Variants in RNF180 observed in about 807,000 individuals in gnomAD.
The protein encoded by RNF180 is ring finger protein 180.
In RNF180, 38 loss-of-function variants were observed where a neutral mutation model predicts 59.2. That is an observed-to-expected ratio of 0.64 (90% CI 0.50 to 0.84). RNF180 has a LOEUF of 0.84. Ranked by LOEUF, RNF180 falls within the 40% of genes least tolerant of loss-of-function variation. The probability of loss-of-function intolerance (pLI) is 0.00; values close to 1 mark genes in which losing one functional copy is unlikely to be tolerated. For synonymous variants in RNF180, 262 were observed against 240.3 expected, an observed-to-expected ratio of 1.09 and a Z score of -0.84; for missense variants, 705 against 700.9, an observed-to-expected ratio of 1.01 and a Z score of -0.07.
At chr5:64,268,312 A>G (rs1321537823) in intron 5 of RNF180, among the ~76,000 whole-genome samples, 3 of 152,172 alleles carry the variant, frequency 2.0e-5, no homozygotes, top group Non-Finnish European at 4.4e-5. Flanking sequence ...TTTAGAGTGT[A>G]TTCTCTTCCA....
chr5:64,213,949 A>C lies in RNF180; in HGVS notation c.623A>C (p.Gln208Pro). ...TCCAAAGCATCAGAACCAAAATACC[A>C]GCTTTTTGTTCCCCAGCTTGTGACT... ...LLSKASEPKY[Q>P]LFVPQLVTGR... is the part of the protein sequence containing the mutation. The change falls in exon 4 of 8, where the codon CAG becomes CCG. Residue 208 changes from glutamine (Q) to proline (P), a missense_variant. Physicochemically the swap from Gln to Pro is moderately conservative, Grantham distance 76. Transcript: ENST00000389100. The C allele has an allele frequency of 6.2e-7, 1 of 1,614,106 alleles. No individual in the cohort carries two copies.
At position 64,370,024 on chromosome 5, in the gene RNF180, G is replaced by A; in HGVS notation, c.*210G>A. On this transcript the variant is annotated 3_prime_UTR_variant, in exon 8 of 8. Coordinates refer to ENST00000389100, the MANE Select transcript of RNF180 (RefSeq NM_001113561.2). ...CAAGAGCTAACCTACCCAGCACTTAGCAACAATGCACTATTAATTTCATAG... is the reference window on the plus strand; with the variant it reads ...CAAGAGCTAACCTACCCAGCACTTAACAACAATGCACTATTAATTTCATAG... 1 of 354,552 alleles carries A rather than the reference G, an allele frequency of 2.8e-6. No individual in the cohort carries two copies. Among genetic ancestry groups the A allele is most frequent in the Non-Finnish European group, 5.0e-6 (1 of 198,142 alleles). The allele number at this position is 354,552 out of a possible 1,614,324, so 22.0% of individuals were successfully genotyped here.
intron 7 of RNF180, among the ~76,000 whole-genome samples, chr5:64,368,163 A>T (rs1746522398): frequency 6.6e-6 from 1 of 151,668 alleles, no homozygotes; most frequent in Admixed American, 6.6e-5. Context: ...TTTGAACTCT[A>T]TGGAAATTAA....
intron 2 of RNF180, among the ~76,000 whole-genome samples, chr5:64,205,054 T>C (rs1751946243): frequency 6.6e-6 from 1 of 152,160 alleles, no homozygotes; most frequent in Admixed American, 6.6e-5. Flanking sequence ...AGTCTCACAT[T>C]CTTTGTCTCA....
chr5:64,246,967 A>G (rs1263174746), intron 5 of RNF180, among the ~76,000 whole-genome samples: 2 of 152,228 alleles, frequency 1.3e-5, no homozygotes, highest in African/African-American at 4.8e-5. Context: ...ATGCAAATTA[A>G]TCAATGTAAT....
intron 1 of RNF180, among the ~76,000 whole-genome samples, chr5:64,182,287 T>G (rs1371253633): frequency 3.3e-5 from 5 of 152,168 alleles, no homozygotes; most frequent in Non-Finnish European, 7.3e-5. Context: ...TTAAATAATG[T>G]GATTCACAAA....
At chr5:64,254,651 C>T (rs1743817872) in intron 5 of RNF180, among the ~76,000 whole-genome samples, 3 of 152,010 alleles carry the variant, frequency 2.0e-5, no homozygotes, top group African/African-American at 4.8e-5. Context: ...TAAGATTATC[C>T]ATTCTTTTTA....
chr5:64,189,126 C>G lies in RNF180; in HGVS notation c.1-11682C>G, dbSNP rs191628077. Among the ~76,000 whole-genome samples the G allele has an allele frequency of 2.0e-5, 3 of 152,176 alleles. No homozygotes were observed. The East Asian group carries it at 5.8e-4, about 30-fold the overall frequency. On this transcript the variant is annotated intron_variant, in intron 1 of 7. Transcript: ENST00000389100. Reference sequence around the variant, plus strand: ...AAAGAAACCCTGCCAATACCTTGATCTTAGACTTTCAGCCTCCATAACTAT... The same window carrying G: ...AAAGAAACCCTGCCAATACCTTGATGTTAGACTTTCAGCCTCCATAACTAT...
At chr5:64,362,581 T>A (rs1439282883) in intron 7 of RNF180, among the ~76,000 whole-genome samples, 1 of 151,946 alleles carries the variant, frequency 6.6e-6, no homozygotes, top group Admixed American at 6.6e-5. Flanking sequence ...TAGAATGATT[T>A]ATATTCCTTT....
intron 1 of RNF180, among the ~76,000 whole-genome samples, chr5:64,196,049 A>T (rs1211911084): frequency 1.3e-5 from 2 of 152,166 alleles, no homozygotes; most frequent in Admixed American, 6.5e-5. Flanking sequence ...TTACAATGGA[A>T]ATTGACTTTC....
intron 7 of RNF180, among the ~76,000 whole-genome samples, chr5:64,337,472 C>A (rs1287579534): frequency 6.6e-6 from 1 of 151,694 alleles, no homozygotes; most frequent in Admixed American, 6.6e-5. Flanking sequence ...ATATGGTTTC[C>A]TATTGTTGTC....
At chr5:64,361,690 A>G (rs2112606184) in intron 7 of RNF180, among the ~76,000 whole-genome samples, 1 of 151,720 alleles carries the variant, frequency 6.6e-6, no homozygotes, top group African/African-American at 2.4e-5. Context: ...ATGTCTTAAT[A>G]CCAAAATAAT....
chr5:64,364,192 G>A (rs189538548), intron 7 of RNF180, among the ~76,000 whole-genome samples: 6 of 151,776 alleles, frequency 4.0e-5, no homozygotes, highest in Admixed American at 1.3e-4. Flanking sequence ...AGCTTTTGCC[G>A]ATTCAGTATG....
At chr5:64,234,238 G>A (rs919638370) in intron 5 of RNF180, among the ~76,000 whole-genome samples, 4 of 152,088 alleles carry the variant, frequency 2.6e-5, no homozygotes, top group African/African-American at 9.7e-5. Context: ...GCCGAGGTGG[G>A]TGCATCACTT....
chr5:64,241,261 T>G (rs185998226), intron 5 of RNF180, among the ~76,000 whole-genome samples: 2 of 152,326 alleles, frequency 1.3e-5, no homozygotes, highest in Admixed American at 1.3e-4. Flanking sequence ...TCTAAATATT[T>G]TACTCATTTT....
chr5:64,300,246 A>G lies in RNF180; in HGVS notation c.1228-24940A>G, dbSNP rs1358582618. ...TAAGAATGAGTATTTTGTGTGTGACATTGTGAAGGAAAAAAATTTGTGCTA... is the reference window on the plus strand; with the variant it reads ...TAAGAATGAGTATTTTGTGTGTGACGTTGTGAAGGAAAAAAATTTGTGCTA... On this transcript the variant is annotated intron_variant, in intron 5 of 7. Coordinates refer to ENST00000389100, the MANE Select transcript of RNF180 (RefSeq NM_001113561.2). 5.9e-5 allele frequency among the ~76,000 whole-genome samples: 9 copies of G among 151,794 alleles called. No homozygotes were observed. In the Admixed American group the frequency reaches 5.9e-4, roughly 10 times the overall value.
intron 1 of RNF180, among the ~76,000 whole-genome samples, chr5:64,173,185 A>C (rs1045391829): frequency 3.9e-5 from 6 of 152,188 alleles, no homozygotes; most frequent in Non-Finnish European, 7.3e-5. Context: ...ACAGAGACAA[A>C]TTTTAATTAC....
At chr5:64,204,418 A>G (rs1188624186) in intron 2 of RNF180, among the ~76,000 whole-genome samples, 1 of 152,202 alleles carries the variant, frequency 6.6e-6, no homozygotes, top group African/African-American at 2.4e-5. Context: ...TCTCACCAAC[A>G]ATAGTTCAGC....
intron 5 of RNF180, among the ~76,000 whole-genome samples, chr5:64,302,971 T>C (rs889489358): frequency 6.6e-6 from 1 of 151,726 alleles, no homozygotes; most frequent in Admixed American, 6.6e-5. Flanking sequence ...CAACCCTGCA[T>C]TGAGCAAGTC....
Sources: allele counts gnomAD v4.1 joint callset (sites outside exome capture counted in the v4.1 genomes callset), GRCh38; gene constraint gnomAD v4.1.1; transcripts MANE v1.5; gene names NCBI Gene and HGNC (gene_info 2026-07-23, HGNC 2026-07-21).